Variants in SYN3 observed in about 807,000 individuals in gnomAD.
SYN3 encodes the protein synapsin III.
Under a neutral mutation model 65.8 loss-of-function variants are expected in SYN3, and 35 were observed. The ratio of observed to expected loss-of-function variants is 0.53; its 90% CI spans 0.41 to 0.70. The LOEUF is 0.70. Ranked by LOEUF, SYN3 falls within the 30% of genes least tolerant of loss-of-function variation. SYN3 has a pLI of 0.00. For missense variants in SYN3, 680 were observed against 749.0 expected (o/e 0.91, Z 1.08); for synonymous variants, 270 against 292.9 (o/e 0.92, Z 0.80).
At chr22:33,051,989 TC>T (rs1365674956) in intron 1 of SYN3, among the ~76,000 whole-genome samples, 2 of 152,042 alleles carry the variant, frequency 1.3e-5, no homozygotes, top group African/African-American at 4.8e-5. Flanking sequence ...GTGAGCACAC[TC>T]CCTAGACAGT....
chr22:32,924,237 A>C (rs943120656), intron 4 of SYN3, among the ~76,000 whole-genome samples: 2 of 152,146 alleles, frequency 1.3e-5, no homozygotes, highest in African/African-American at 4.8e-5. Context: ...GGTACTTTGG[A>C]AGATTCTACT....
At chr22:32,960,710 C>T (rs1039870473) in intron 3 of SYN3, among the ~76,000 whole-genome samples, 2 of 152,148 alleles carry the variant, frequency 1.3e-5, no homozygotes, top group African/African-American at 2.4e-5. Flanking sequence ...GCTGGGTTGC[C>T]GGGTACAAAG....
At chr22:32,531,220 A>G (rs1042720256) in intron 10 of SYN3, among the ~76,000 whole-genome samples, 7 of 146,154 alleles carry the variant, frequency 4.8e-5, no homozygotes, top group Non-Finnish European at 7.5e-5. Flanking sequence ...AGCTCTGCGC[A>G]GGTCGTACCT....
chr22:33,003,464 T>G (rs1040518965), intron 2 of SYN3, among the ~76,000 whole-genome samples: 1 of 152,300 alleles, frequency 6.6e-6, no homozygotes, highest in Non-Finnish European at 1.5e-5. Context: ...AAGTCCAGGT[T>G]GAGGTGGTCT....
At chr22:32,610,722 A>G (rs570507347) in intron 6 of SYN3, among the ~76,000 whole-genome samples, 1 of 152,332 alleles carries the variant, frequency 6.6e-6, no homozygotes, top group African/African-American at 2.4e-5. Context: ...AGGTGGGATT[A>G]CAGGCGCATG....
At position 32,508,392 on chromosome 22, in the gene SYN3, C is replaced by G. The variant is rs1011708500; in HGVS notation, c.*5300G>C. Among the ~76,000 whole-genome samples, 8 of 152,134 alleles carry G rather than the reference C, an allele frequency of 5.3e-5. No individual in the cohort carries two copies. The highest frequency in any genetic ancestry group is 1.7e-4 in the African/African-American group (7 of 41,422). ...CTATAAAACGGCCCCATCCCTACTCCCTTTGCTGACTCTCTTTTCGGACTC... is the reference window on the plus strand; with the variant it reads ...CTATAAAACGGCCCCATCCCTACTCGCTTTGCTGACTCTCTTTTCGGACTC... On this transcript the variant is annotated 3_prime_UTR_variant, in exon 14 of 14. Transcript: ENST00000358763.
chr22:32,925,938 C>T (rs1459431240), intron 4 of SYN3, among the ~76,000 whole-genome samples: 3 of 147,148 alleles, frequency 2.0e-5, no homozygotes, highest in Non-Finnish European at 3.0e-5. Context: ...CTGCAGCATC[C>T]GCTCCCAGGT....
At chr22:33,030,024 C>G (rs1374568828) in intron 1 of SYN3, among the ~76,000 whole-genome samples, 1 of 152,140 alleles carries the variant, frequency 6.6e-6, no homozygotes, top group Non-Finnish European at 1.5e-5. Context: ...ATCACCTCCT[C>G]TAGGAAGGCT....
chr22:32,973,015 T>TAAACA (rs1461023625), intron 3 of SYN3, among the ~76,000 whole-genome samples: 1 of 151,954 alleles, frequency 6.6e-6, no homozygotes, highest in South Asian at 2.1e-4. Flanking sequence ...TCTCAAAAAC[T>TAAACA]AAACAAAACA....
intron 7 of SYN3, among the ~76,000 whole-genome samples, chr22:32,593,468 A>G (rs752642608): frequency 3.3e-5 from 5 of 152,192 alleles, no homozygotes; most frequent in South Asian, 2.1e-4. Context: ...TCAGAGAAAC[A>G]TTAACAAGGG....
intron 6 of SYN3, among the ~76,000 whole-genome samples, chr22:32,664,198 T>C (rs2060257277): frequency 6.6e-6 from 1 of 152,218 alleles, no homozygotes; most frequent in Non-Finnish European, 1.5e-5. Flanking sequence ...TCTAGCATTC[T>C]TCACCTAATG....
intron 6 of SYN3, among the ~76,000 whole-genome samples, chr22:32,615,193 C>A (rs2059498599): frequency 6.6e-6 from 1 of 151,952 alleles, no homozygotes; most frequent in South Asian, 2.1e-4. Flanking sequence ...ACTTTGGGAT[C>A]CACCGCTGAG....
chr22:33,005,280 G>A (rs2053166973), intron 2 of SYN3, among the ~76,000 whole-genome samples: 1 of 152,194 alleles, frequency 6.6e-6, no homozygotes, highest in South Asian at 2.1e-4. Context: ...CAAAAGCCAT[G>A]TATGAGTCCA....
chr22:32,600,092 A>G (rs188519883), intron 6 of SYN3, among the ~76,000 whole-genome samples: 1 of 152,236 alleles, frequency 6.6e-6, no homozygotes, highest in African/African-American at 2.4e-5. Flanking sequence ...TTTTATTTCT[A>G]TTATTATTAC....
At chr22:32,668,226 A>T (rs2060317165) in intron 6 of SYN3, among the ~76,000 whole-genome samples, 1 of 152,244 alleles carries the variant, frequency 6.6e-6, no homozygotes, top group Non-Finnish European at 1.5e-5. Context: ...AAGAGTGTAA[A>T]TTAGGTTTTA....
intron 1 of SYN3, among the ~76,000 whole-genome samples, chr22:33,028,688 G>GTGGTGA (rs2053688667): frequency 3.3e-5 from 3 of 90,848 alleles, no homozygotes; most frequent in Non-Finnish European, 6.6e-5. Flanking sequence ...GGTGGTGGTG[G>GTGGTGA]TGATGGTGGT....
chr22:32,960,087 C>G (rs563392012), intron 3 of SYN3, among the ~76,000 whole-genome samples: 5 of 152,208 alleles, frequency 3.3e-5, no homozygotes, highest in Non-Finnish European at 7.3e-5. Context: ...AGACAGGTAT[C>G]ATAACTATGT....
intron 7 of SYN3, among the ~76,000 whole-genome samples, chr22:32,572,394 C>CCTTCCCCTTTT (rs1569051599): frequency 4.7e-4 from 49 of 103,790 alleles, no homozygotes; most frequent in African/African-American, 7.1e-4. Context: ...TTCCTTCCTT[C>CCTTCCCCTTTT]CCTCCCTCCC....
chr22:32,847,919 C>A (rs780874518), intron 6 of SYN3, among the ~76,000 whole-genome samples: 1 of 152,210 alleles, frequency 6.6e-6, no homozygotes, highest in Non-Finnish European at 1.5e-5. Context: ...CATCACACCC[C>A]CTGATAGAGG....
Sources: gnomAD v4.1 joint callset for allele counts (sites outside exome capture counted in the v4.1 genomes callset) on GRCh38, gnomAD v4.1.1 for gene constraint, MANE v1.5 for transcripts, NCBI Gene and HGNC (gene_info 2026-07-23, HGNC 2026-07-21) for gene names.